HS3ST2: variants seen among roughly 807,000 people sequenced by gnomAD.
The protein encoded by HS3ST2 is heparan sulfate-glucosamine 3-sulfotransferase 2.
A neutral mutation model predicts 26.3 loss-of-function variants in HS3ST2; 17 were observed. That is an observed-to-expected ratio of 0.65 (90% CI 0.44 to 0.97). The LOEUF is 0.97. HS3ST2 is among the 50% of genes least tolerant of loss of function. The pLI, the probability that HS3ST2 is intolerant of heterozygous loss-of-function variation, is 0.00. For missense variants in HS3ST2, 402 were observed against 501.2 expected (o/e 0.80, Z 1.89); for synonymous variants, 237 against 219.2 (o/e 1.08, Z -0.72).
At chr16:22,822,994 C>G (rs981566720) in intron 1 of HS3ST2, among the ~76,000 whole-genome samples, 1 of 152,160 alleles carries the variant, frequency 6.6e-6, no homozygotes, top group African/African-American at 2.4e-5. Flanking sequence ...CCAGAAGCAA[C>G]CATAGGTACC....
intron 1 of HS3ST2, among the ~76,000 whole-genome samples, chr16:22,887,017 A>C (rs906560336): frequency 6.6e-6 from 1 of 152,142 alleles, no homozygotes; most frequent in Non-Finnish European, 1.5e-5. Context: ...CTTCCAAAGC[A>C]CTGGGATTAC....
At chr16:22,907,216 T>G (rs1902368329) in intron 1 of HS3ST2, among the ~76,000 whole-genome samples, 1 of 152,144 alleles carries the variant, frequency 6.6e-6, no homozygotes, top group African/African-American at 2.4e-5. Flanking sequence ...ATGTTCAGCA[T>G]GGCATGAACA....
rs527516995 is a variant in HS3ST2, at chr16:22,914,606, G to GAGATGGGAAGATGGGA, written c.486-309_486-294dup. Among the ~76,000 whole-genome samples, 1,047 of 148,958 alleles carry GAGATGGGAAGATGGGA rather than the reference G, an allele frequency of 7.0e-3. 10 individuals are homozygous for GAGATGGGAAGATGGGA. The highest frequency in any genetic ancestry group is 0.022 in the African/African-American group (865 of 39,672). On this transcript the variant is annotated intron_variant, in intron 1 of 1. Coordinates refer to ENST00000261374, the MANE Select transcript of HS3ST2 (RefSeq NM_006043.2). ...TGTAGTCCCAGCTACTTGGGAGGCT[G>GAGATGGGAAGATGGGA]AGATGGGAAGATGGGAAGATGGGAA...
chr16:22,821,253 A>G (rs1900986530), intron 1 of HS3ST2, among the ~76,000 whole-genome samples: 2 of 151,970 alleles, frequency 1.3e-5, no homozygotes, highest in South Asian at 4.2e-4. Flanking sequence ...TACCTTGCAC[A>G]TATCTGGAGA....
intron 1 of HS3ST2, among the ~76,000 whole-genome samples, chr16:22,829,126 G>A (rs1359688415): frequency 6.6e-6 from 1 of 152,230 alleles, no homozygotes; most frequent in Admixed American, 6.5e-5. Context: ...GCCAAGGGAG[G>A]TCTGTAGAAG....
chr16:22,913,563 G>GA (rs577007512), intron 1 of HS3ST2, among the ~76,000 whole-genome samples: 243 of 152,282 alleles, frequency 1.6e-3, no homozygotes, highest in Non-Finnish European at 2.1e-3. Flanking sequence ...TGCAAGACAA[G>GA]ACTTTTTCCC....
intron 1 of HS3ST2, among the ~76,000 whole-genome samples, chr16:22,825,844 G>A (rs1901076882): frequency 6.6e-6 from 1 of 152,190 alleles, no homozygotes. Flanking sequence ...CCAACATGGT[G>A]AAACCCCATC....
At chr16:22,829,488 A>T (rs977279994) in intron 1 of HS3ST2, among the ~76,000 whole-genome samples, 3 of 142,638 alleles carry the variant, frequency 2.1e-5, no homozygotes, top group Non-Finnish European at 3.2e-5. Context: ...GCTTTTTTTT[A>T]AAAAGAAAAA....
chr16:22,875,707 C>G (rs939003354), intron 1 of HS3ST2, among the ~76,000 whole-genome samples: 8 of 152,148 alleles, frequency 5.3e-5, no homozygotes, highest in Non-Finnish European at 8.8e-5. Context: ...ATAAAACCTG[C>G]AGTTGTGTAC....
chr16:22,905,851 G>A (rs145085324), intron 1 of HS3ST2, among the ~76,000 whole-genome samples: 137 of 152,236 alleles, frequency 9.0e-4, no homozygotes, highest in Middle Eastern at 3.4e-3. Flanking sequence ...TTCTCTGATC[G>A]TAAGAATCAT....
At chr16:22,875,290 G>A (rs975133219) in intron 1 of HS3ST2, among the ~76,000 whole-genome samples, 3 of 151,892 alleles carry the variant, frequency 2.0e-5, no homozygotes, top group African/African-American at 7.3e-5. Flanking sequence ...AAATTTAAAG[G>A]TTTATAAAGT....
chr16:22,826,152 A>G (rs1901082584), intron 1 of HS3ST2, among the ~76,000 whole-genome samples: 1 of 152,250 alleles, frequency 6.6e-6, no homozygotes, highest in African/African-American at 2.4e-5. Context: ...TCTCTTTTAA[A>G]GAGAAGAAGG....
intron 1 of HS3ST2, among the ~76,000 whole-genome samples, chr16:22,850,300 G>A (rs1241079482): frequency 1.3e-5 from 2 of 152,058 alleles, no homozygotes; most frequent in East Asian, 1.9e-4. Context: ...GTCAGGGCTC[G>A]AATGGGTGTA....
chr16:22,884,279 T>A (rs1304422414), intron 1 of HS3ST2, among the ~76,000 whole-genome samples: 1 of 152,190 alleles, frequency 6.6e-6, no homozygotes, highest in Non-Finnish European at 1.5e-5. Flanking sequence ...TGCTACTGTC[T>A]CTGTTTTATA....
intron 1 of HS3ST2, among the ~76,000 whole-genome samples, chr16:22,818,968 TTCCC>T (rs1900936774): frequency 1.1e-5 from 1 of 92,132 alleles, no homozygotes; most frequent in Admixed American, 1.1e-4. Flanking sequence ...CCTTCCTTCC[TTCCC>T]TCCTTCCTTC....
intron 1 of HS3ST2, among the ~76,000 whole-genome samples, chr16:22,904,511 C>T (rs139573653): frequency 3.7e-4 from 57 of 152,226 alleles, no homozygotes; most frequent in African/African-American, 1.4e-3. Flanking sequence ...AAAAAAACAC[C>T]TAACTCCTCC....
At chr16:22,908,516 T>C (rs533415668) in intron 1 of HS3ST2, among the ~76,000 whole-genome samples, 1 of 152,280 alleles carries the variant, frequency 6.6e-6, no homozygotes, top group Admixed American at 6.5e-5. Context: ...GGTTGAGAAG[T>C]CCAAGGTCAA....
At chr16:22,848,244 T>A (rs1173127499) in intron 1 of HS3ST2, among the ~76,000 whole-genome samples, 1 of 152,224 alleles carries the variant, frequency 6.6e-6, no homozygotes, top group African/African-American at 2.4e-5. Context: ...TCACTTCATC[T>A]TCTGAGCCTC....
intron 1 of HS3ST2, among the ~76,000 whole-genome samples, chr16:22,819,170 T>TCCCTCCTTCCTTCCTC (rs1321112277): frequency 1.5e-5 from 2 of 132,958 alleles, no homozygotes; most frequent in East Asian, 2.4e-4. Flanking sequence ...CTTCCTTCCT[T>TCCCTCCTTCCTTCCTC]CCCTCCTTCC....
Sources: gnomAD v4.1 joint callset for allele counts (sites outside exome capture counted in the v4.1 genomes callset) on GRCh38, gnomAD v4.1.1 for gene constraint, MANE v1.5 for transcripts, NCBI Gene and HGNC (gene_info 2026-07-23, HGNC 2026-07-21) for gene names.